MAST4: variants seen among roughly 807,000 people sequenced by gnomAD.
The protein encoded by MAST4 is microtubule-associated serine/threonine-protein kinase 4.
In MAST4, 89 loss-of-function variants were observed where a neutral mutation model predicts 162.7. That is an observed-to-expected ratio of 0.55 (90% CI 0.46 to 0.65). MAST4 has a LOEUF of 0.65. Ranked by LOEUF, MAST4 falls within the 30% of genes least tolerant of loss-of-function variation. The pLI, the probability that MAST4 is intolerant of heterozygous loss-of-function variation, is 0.00. For missense variants in MAST4, 3,153 were observed against 3,374.0 expected (o/e 0.93, Z 1.62); for synonymous variants, 1,479 against 1,361.1 (o/e 1.09, Z -1.91).
At chr5:67,053,273 G>C (rs1369013814) in intron 4 of MAST4, among the ~76,000 whole-genome samples, 2 of 152,138 alleles carry the variant, frequency 1.3e-5, no homozygotes, top group African/African-American at 4.8e-5. Context: ...GAAAGAAATT[G>C]GGTTTGGTTT....
At chr5:67,047,764 G>C (rs1188159910) in intron 4 of MAST4, among the ~76,000 whole-genome samples, 1 of 152,164 alleles carries the variant, frequency 6.6e-6, no homozygotes, top group Non-Finnish European at 1.5e-5. Context: ...ATAGGGAAGA[G>C]GATCCCAGCG....
At chr5:66,874,081 G>A (rs1193424014) in intron 3 of MAST4, among the ~76,000 whole-genome samples, 1 of 152,114 alleles carries the variant, frequency 6.6e-6, no homozygotes, top group Non-Finnish European at 1.5e-5. Flanking sequence ...TAGACTAAGA[G>A]TAAAGGGTTA....
At chr5:67,047,962 T>G (rs533607769) in intron 4 of MAST4, among the ~76,000 whole-genome samples, 12 of 152,270 alleles carry the variant, frequency 7.9e-5, no homozygotes, top group African/African-American at 2.2e-4. Flanking sequence ...AAGGGTCGAC[T>G]GATTTACATG....
chr5:66,912,413 T>TA (rs1448641302), intron 4 of MAST4, among the ~76,000 whole-genome samples: 1 of 152,208 alleles, frequency 6.6e-6, no homozygotes, highest in African/African-American at 2.4e-5. Context: ...AGGTTTTTCT[T>TA]ATGTCTAGAA....
intron 2 of MAST4, among the ~76,000 whole-genome samples, chr5:66,772,255 A>G (rs965274209): frequency 2.6e-5 from 4 of 152,208 alleles, no homozygotes; most frequent in Admixed American, 6.5e-5. Flanking sequence ...ACCCATTTAC[A>G]GAGTTGGACA....
At chr5:66,635,946 G>GTT (rs530576186) in intron 1 of MAST4, among the ~76,000 whole-genome samples, 1,454 of 41,282 alleles carry the variant, frequency 0.035, 533 homozygotes, top group Non-Finnish European at 0.041. Flanking sequence ...GATAGAGACT[G>GTT]TTTTTTTTTT....
At chr5:66,597,081 C>T (rs1047141091) in intron 1 of MAST4, 63 bp downstream of exon 1, 82 of 1,339,164 alleles carry the variant, frequency 6.1e-5, no homozygotes, top group Non-Finnish European at 7.6e-5. Flanking sequence ...AGTTTCCCAT[C>T]CTGCGCACAG....
chr5:66,625,086 A>G (rs1344539219), intron 1 of MAST4, among the ~76,000 whole-genome samples: 2 of 152,214 alleles, frequency 1.3e-5, no homozygotes, highest in Non-Finnish European at 2.9e-5. Context: ...GCATACAAAA[A>G]ACATTAACTA....
In MAST4 at chr5:67,165,286, G is replaced by A. The variant is rs768449138; in HGVS notation, c.6107G>A (p.Trp2036Ter). ...YTQTQAMEKA[W>*]APGGKTNHKD... Reference sequence around the variant, plus strand: ...CAGACCCAGGCCATGGAGAAAGCATGGGCGCCGGGTGGGAAAACGAACCAC... The same window carrying A: ...CAGACCCAGGCCATGGAGAAAGCATAGGCGCCGGGTGGGAAAACGAACCAC... The change falls in exon 29 of 29, where the codon TGG (tryptophan) becomes TAG (stop). Residue 2036 changes from tryptophan (W) to a stop codon, truncating the protein, a stop_gained. Coordinates refer to ENST00000403625, the MANE Select transcript of MAST4 (RefSeq NM_001164664.2). LOFTEE classifies it low-confidence loss of function (END_TRUNC). 4 of 1,613,466 alleles carry A rather than the reference G, an allele frequency of 2.5e-6. No individual in the cohort carries two copies. In the Admixed American group the frequency reaches 6.7e-5, roughly 27 times the overall value.
intron 2 of MAST4, among the ~76,000 whole-genome samples, chr5:66,767,842 T>G (rs925144628): frequency 3.9e-5 from 6 of 152,154 alleles, no homozygotes; most frequent in Non-Finnish European, 8.8e-5. Flanking sequence ...TTTTTCTGCC[T>G]GCTTATATTC....
chr5:66,934,829 A>C (rs1742556820), intron 4 of MAST4, among the ~76,000 whole-genome samples: 3 of 152,180 alleles, frequency 2.0e-5, no homozygotes, highest in Admixed American at 1.3e-4. Context: ...TCAAACCATG[A>C]GCTCTGATGA....
At chr5:66,932,208 C>T (rs907028361) in intron 4 of MAST4, among the ~76,000 whole-genome samples, 17 of 152,114 alleles carry the variant, frequency 1.1e-4, no homozygotes, top group African/African-American at 3.9e-4. Context: ...CATGCCAAAA[C>T]CTTATCAGTT....
intron 1 of MAST4, among the ~76,000 whole-genome samples, chr5:66,758,951 C>T (rs1753705296): frequency 6.6e-6 from 1 of 152,150 alleles, no homozygotes; most frequent in Non-Finnish European, 1.5e-5. Context: ...TGAAGGTGAA[C>T]ATTTTAGATG....
At chr5:66,764,241 C>A (rs866352862) in intron 2 of MAST4, among the ~76,000 whole-genome samples, 2 of 152,318 alleles carry the variant, frequency 1.3e-5, no homozygotes, top group Middle Eastern at 3.4e-3. Flanking sequence ...TTCTATGTGT[C>A]TACCTTCTTC....
chr5:66,835,616 G>A (rs1009635066), intron 3 of MAST4, among the ~76,000 whole-genome samples: 3 of 152,088 alleles, frequency 2.0e-5, no homozygotes, highest in Non-Finnish European at 2.9e-5. Flanking sequence ...TAAAAATTGA[G>A]AATTACATGA....
At chr5:67,090,464 TTCTCCCCCTCC>T (rs1197129079) in intron 6 of MAST4, among the ~76,000 whole-genome samples, 6 of 78,678 alleles carry the variant, frequency 7.6e-5, no homozygotes, top group African/African-American at 2.9e-4. Flanking sequence ...CCCTCCCCGC[TTCTCCCCCTCC>T]CCTGCTCCAT....
At position 67,078,900 on chromosome 5, in the gene MAST4, ATTTT is replaced by A. The variant is rs1292493750; in HGVS notation, c.764-11260_764-11257del. Among the ~76,000 whole-genome samples the A allele has an allele frequency of 7.6e-4, 56 of 74,140 alleles. 1 individual carries two copies. The highest frequency in any genetic ancestry group is 2.6e-3 in the African/African-American group (46 of 17,718). The allele number at this position is 74,140 out of a possible 152,430, so 48.6% of individuals were successfully genotyped here. A position where few individuals can be genotyped will look rare whatever the true frequency, so the allele number is the denominator to read the frequency against. ...TATAAATATATTTATATATTTATAT[ATTTT>A]TATATAAATATATATATATATATAT... is the stretch of plus-strand genomic sequence containing the variant. On this transcript the variant is annotated intron_variant, in intron 5 of 28. Transcript: ENST00000403625.
In MAST4 at chr5:67,164,622, G is replaced by T; in HGVS notation, c.5443G>T (p.Ala1815Ser). 6.2e-7 allele frequency: 1 copy of T among 1,613,970 alleles called. No individual in the cohort carries two copies. Among genetic ancestry groups the T allele is most frequent in the Non-Finnish European group, 8.5e-7 (1 of 1,179,888 alleles). Residue 1815 changes from alanine to serine, a missense_variant, in exon 29 of 29, where the codon GCC becomes TCC. By Grantham distance (99) the Ala-to-Ser change is moderately conservative. Around this residue, in one of 7 missense-constraint regions of MAST4, gnomAD observed 1,644 missense variants for 1,495.0 expected, o/e 1.10. Coordinates refer to ENST00000403625, the MANE Select transcript of MAST4 (RefSeq NM_001164664.2). The surrounding 1 kb of genome is among the most constrained non-coding windows in gnomAD (Gnocchi z 5.3). ...CATTGCTCTCCTGTCCGGACCTCAG[G>T]CCTCCAAGACAGAACTGCCTTCCCC... ...LDIALLSGPQ[A>S]SKTELPSPES...
At position 67,131,804 on chromosome 5, in the gene MAST4, G is replaced by A; in HGVS notation, c.1955-9G>A. The A allele has an allele frequency of 6.2e-7, 1 of 1,610,204 alleles. No homozygotes were observed. The highest frequency in any genetic ancestry group is 1.7e-4 in the Middle Eastern group (1 of 6,020). On this transcript the variant is annotated splice_polypyrimidine_tract_variant and intron_variant, in intron 15 of 28. Coordinates refer to ENST00000403625, the MANE Select transcript of MAST4 (RefSeq NM_001164664.2). ...CCTATAGCTACTAACTCTTTTTCCT[G>A]TGTTACAGGGGGAGACTGTGCTACT...
Sources: gnomAD v4.1 joint callset for allele counts (sites outside exome capture counted in the v4.1 genomes callset) on GRCh38, gnomAD v4.1.1 for gene constraint, gnomAD v4.1.1 regional missense constraint, Gnocchi (gnomAD v3.1) non-coding constraint, MANE v1.5 for transcripts, NCBI Gene and HGNC (gene_info 2026-07-23, HGNC 2026-07-21) for gene names.